ATP6V1B2: variants seen among roughly 807,000 people sequenced by gnomAD.
The protein encoded by ATP6V1B2 is V-type proton ATPase subunit B, brain isoform.
In ATP6V1B2, 23 loss-of-function variants were observed where a neutral mutation model predicts 66.7. The ratio of observed to expected loss-of-function variants is 0.34; its 90% confidence interval spans 0.25 to 0.49. The LOEUF is 0.49. ATP6V1B2 is among the 20% of genes least tolerant of loss of function. The pLI is 0.99. For missense variants in ATP6V1B2, 478 were observed against 650.8 expected, an observed-to-expected ratio of 0.73 and a Z score of 2.89; for synonymous variants, 278 against 236.7, an observed-to-expected ratio of 1.17 and a Z score of -1.60.
intron 2 of ATP6V1B2, among the ~76,000 whole-genome samples, chr8:20,206,533 C>T (rs957638462): frequency 1.3e-5 from 2 of 152,134 alleles, no homozygotes; most frequent in Non-Finnish European, 2.9e-5. Flanking sequence ...ATTAATATTA[C>T]CACTACTGTT....
intron 2 of ATP6V1B2, among the ~76,000 whole-genome samples, chr8:20,208,118 G>A (rs60444474): frequency 0.017 from 2,541 of 152,232 alleles, 79 homozygotes; most frequent in African/African-American, 0.057. Flanking sequence ...AATTAATAAG[G>A]TTCCTTTGCA....
chr8:20,212,072 C>G (rs764790997), intron 7 of ATP6V1B2, 30 bp from the exon 8 acceptor site: 50 of 1,575,410 alleles, frequency 3.2e-5, no homozygotes, highest in Non-Finnish European at 4.1e-5. Context: ...TTTTTCTTCT[C>G]CCAGCACTGA....
intron 3 of ATP6V1B2, 111 bp from the exon 4 acceptor site, chr8:20,210,235 G>A: frequency 1.3e-6 from 1 of 799,564 alleles, no homozygotes; most frequent in Non-Finnish European, 2.0e-6. Flanking sequence ...ATCAAAAGTA[G>A]TATACATTCA....
Position 20,197,466 on chromosome 8 carries a change from C to T in ATP6V1B2, c.60C>T (p.Pro20=). The T allele has an allele frequency of 3.3e-6, 5 of 1,526,656 alleles. No homozygotes were observed. The South Asian group carries it at 4.9e-5, about 15-fold the overall frequency. The allele number at this position is 1,526,656 out of a possible 1,614,324, so 94.6% of individuals were successfully genotyped here. A position where few individuals can be genotyped will look rare whatever the true frequency, so the allele number is the denominator to read the frequency against. Residue 20 remains proline (P), a synonymous_variant, in exon 1 of 14, where the codon CCC becomes CCT. Coordinates refer to ENST00000276390, the MANE Select transcript of ATP6V1B2 (RefSeq NM_001693.4). ...GGGCCGCACCCGAGCTACCCGTGCC[C>T]ACCGGTGGGCCGGCGGTGGGAGCTC... ...VNGAAPELPV[P]TGGPAVGARE...
intron 12 of ATP6V1B2, among the ~76,000 whole-genome samples, chr8:20,217,886 C>G (rs1004997695): frequency 1.3e-5 from 2 of 152,130 alleles, no homozygotes; most frequent in South Asian, 4.1e-4. Flanking sequence ...TTCAAGTGCT[C>G]TATAAATTTT....
chr8:20,205,139 G>C (rs1440876461), intron 2 of ATP6V1B2, among the ~76,000 whole-genome samples: 2 of 152,098 alleles, frequency 1.3e-5, no homozygotes, highest in African/African-American at 2.4e-5. Context: ...AAAGAATACA[G>C]CCTCCTCTTT....
chr8:20,211,554 G>A (rs1030283402), intron 6 of ATP6V1B2, 98 bp from the exon 7 acceptor site: 13 of 1,378,320 alleles, frequency 9.4e-6, no homozygotes, highest in African/African-American at 8.9e-5. Context: ...TCCTGGTTTC[G>A]TTTATGATTA....
intron 2 of ATP6V1B2, among the ~76,000 whole-genome samples, chr8:20,206,362 A>T (rs1163982641): frequency 1.3e-5 from 2 of 152,210 alleles, no homozygotes; most frequent in Non-Finnish European, 2.9e-5. Flanking sequence ...TCCACTTCAG[A>T]TGCCAATCAA....
At chr8:20,218,417 C>A in intron 13 of ATP6V1B2, 135 bp downstream of exon 13, 1 of 1,175,644 alleles carries the variant, frequency 8.5e-7, no homozygotes, top group Non-Finnish European at 1.2e-6. Context: ...TGTCACCTGC[C>A]TGCCTTAACC....
intron 12 of ATP6V1B2, 94 bp downstream of exon 12, chr8:20,217,418 C>T: frequency 1.8e-6 from 2 of 1,109,750 alleles, no homozygotes; most frequent in Admixed American, 1.8e-5. Flanking sequence ...CTTCTCTCTT[C>T]CCCATCCACA....
chr8:20,216,258 G>T (rs2072853323), intron 10 of ATP6V1B2, 155 bp from the exon 11 acceptor site: 3 of 598,776 alleles, frequency 5.0e-6, no homozygotes, highest in Non-Finnish European at 8.9e-6. Flanking sequence ...CAGAACATTG[G>T]CAGCATCACA....
In ATP6V1B2 at chr8:20,209,927, A is replaced by G. The variant is rs73214064; in HGVS notation, c.291+396A>G. Among the ~76,000 whole-genome samples the G allele has an allele frequency of 2.6e-3, 396 of 152,118 alleles. 3 individuals carry two copies. The highest frequency in any genetic ancestry group is 6.4e-3 in the Admixed American group (98 of 15,268). ...CTAAAATAACATGTTCCCCTTAAAAATAGCCTAAAGCAGGGATTGGCAAGA... is the reference window on the plus strand; with the variant it reads ...CTAAAATAACATGTTCCCCTTAAAAGTAGCCTAAAGCAGGGATTGGCAAGA... On this transcript the variant is annotated intron_variant, in intron 3 of 13. Transcript: ENST00000276390.
intron 9 of ATP6V1B2, 105 bp from the exon 10 acceptor site, chr8:20,214,713 T>C: frequency 3.1e-6 from 4 of 1,273,226 alleles, no homozygotes; most frequent in South Asian, 1.9e-5. Context: ...AAAATGAACA[T>C]GATGGGATTT....
chr8:20,204,661 G>C, intron 2 of ATP6V1B2, 122 bp downstream of exon 2: 1 of 778,470 alleles, frequency 1.3e-6, no homozygotes, highest in Non-Finnish European at 2.0e-6. Context: ...GTGTCAGTCA[G>C]TCTAAAGCCC....
chr8:20,220,550 T>G lies in ATP6V1B2; in HGVS notation c.*148T>G. 2 of 1,184,666 alleles carry G rather than the reference T, an allele frequency of 1.7e-6. No individual in the cohort carries two copies. The highest frequency in any genetic ancestry group is 2.2e-6 in the Non-Finnish European group (2 of 893,248). The allele number at this position is 1,184,666 out of a possible 1,614,324, so 73.4% of individuals were successfully genotyped here. ...AAGAATAGGTAACATATTGTGCCAGTGTTGCAACGTTTTAAACTGCTAACA... is the reference window on the plus strand; with the variant it reads ...AAGAATAGGTAACATATTGTGCCAGGGTTGCAACGTTTTAAACTGCTAACA... On this transcript the variant is annotated 3_prime_UTR_variant, in exon 14 of 14. Transcript: ENST00000276390.
At position 20,210,265 on chromosome 8, in the gene ATP6V1B2, G is replaced by A. The variant is rs538280848; in HGVS notation, c.292-81G>A. The A allele has an allele frequency of 5.6e-5, 62 of 1,108,384 alleles. 1 individual carries two copies. The African/African-American group carries it at 8.3e-4, about 15-fold the overall frequency. The allele number at this position is 1,108,384 out of a possible 1,614,324, so 68.7% of individuals were successfully genotyped here. The stretch of plus-strand genomic sequence containing the variant: ...CATTCATGGGTTTTACATTATAAGG[G>A]CTGTTTAACAGACAAATAAAATGTA... On this transcript the variant is annotated intron_variant, in intron 3 of 13. Transcript: ENST00000276390.
Position 20,214,847 on chromosome 8 carries a change from T to G in ATP6V1B2, c.957T>G (p.Gly319=). 1 of 1,612,666 alleles carries G rather than the reference T, an allele frequency of 6.2e-7. No homozygotes were observed. Among genetic ancestry groups the G allele is most frequent in the Non-Finnish European group, 8.5e-7 (1 of 1,179,292 alleles). The change falls in exon 10 of 14, where the codon GGT becomes GGG. Residue 319 remains glycine, a synonymous_variant. Transcript: ENST00000276390. ...CAGCAGCCAGGGAAGAGGTACCTGG[T>G]CGACGAGGTTTTCCAGGTTACATGT... ...EVSAAREEVP[G]RRGFPGYMYT... is the part of the protein sequence containing the mutation.
At chr8:20,215,098 T>C in intron 10 of ATP6V1B2, 130 bp downstream of exon 10, 2 of 1,036,608 alleles carry the variant, frequency 1.9e-6, no homozygotes, top group Non-Finnish European at 2.7e-6. Flanking sequence ...TTTGCCTAAA[T>C]AAAACATTTT....
chr8:20,215,072 G>A, intron 10 of ATP6V1B2, 104 bp downstream of exon 10: 1 of 1,234,346 alleles, frequency 8.1e-7, no homozygotes, highest in Non-Finnish European at 1.1e-6. Context: ...CATCCCCTAA[G>A]AGTTTATCTT....
Sources: gnomAD v4.1 joint callset for allele counts (sites outside exome capture counted in the v4.1 genomes callset) on GRCh38, gnomAD v4.1.1 for gene constraint, MANE v1.5 for transcripts, NCBI Gene and HGNC (gene_info 2026-07-23, HGNC 2026-07-21) for gene names.